METTL16: variants seen among roughly 807,000 people sequenced by gnomAD.
The protein encoded by METTL16 is methyltransferase 16, RNA N6-adenosine, also known as RNA N(6)-adenosine-methyltransferase METTL16.
METTL16 carries 19 observed loss-of-function variants against 57.9 expected under a neutral mutation model. The ratio of observed to expected loss-of-function variants is 0.33; its 90% CI spans 0.23 to 0.48. METTL16 has a LOEUF of 0.48. METTL16 is among the 20% of genes least tolerant of loss of function. The probability of loss-of-function intolerance (pLI) is 0.99; values close to 1 mark genes in which losing one functional copy is unlikely to be tolerated. For missense variants in METTL16, 434 were observed against 691.5 expected, an observed-to-expected ratio of 0.63 and a Z score of 4.18; for synonymous variants, 246 against 255.6, an observed-to-expected ratio of 0.96 and a Z score of 0.36.
intron 2 of METTL16, among the ~76,000 whole-genome samples, chr17:2,485,189 A>G (rs2151572414): frequency 6.6e-6 from 1 of 152,294 alleles, no homozygotes; most frequent in South Asian, 2.1e-4. Flanking sequence ...CCTCCTGGGA[A>G]CGCCGCATGC....
rs1374909658 is a variant in METTL16, at chr17:2,420,186, C to T, written c.1473G>A (p.Glu491=). 6.2e-7 allele frequency: 1 copy of T among 1,614,250 alleles called. No homozygotes were observed. Among genetic ancestry groups the T allele is most frequent in the East Asian group, 2.2e-5 (1 of 44,882 alleles). The change falls in exon 10 of 10, where the codon GAG becomes GAA. Residue 491 remains glutamate, a synonymous_variant. Transcript: ENST00000263092. This position sits in a 1 kb window ranked among gnomAD's most constrained non-coding sequence, Gnocchi z 5.4. ...CTGGGCTGCCGAACTGCTCAGAAGCCTCTTGGTCCTGGGCTCCGTTGCTAG... is the reference window on the plus strand; with the variant it reads ...CTGGGCTGCCGAACTGCTCAGAAGCTTCTTGGTCCTGGGCTCCGTTGCTAG... ...QGSSNGAQDQ[E]ASEQFGSPVA...
At chr17:2,447,411 C>G (rs2067009258) in intron 6 of METTL16, among the ~76,000 whole-genome samples, 1 of 139,632 alleles carries the variant, frequency 7.2e-6, no homozygotes, top group African/African-American at 3.1e-5. Flanking sequence ...AAGTGAGGAG[C>G]GTCTCCGCCC....
intron 2 of METTL16, among the ~76,000 whole-genome samples, chr17:2,492,197 C>G (rs1175920694): frequency 1.3e-5 from 2 of 152,104 alleles, no homozygotes; most frequent in African/African-American, 2.4e-5. Flanking sequence ...GGCGACAGAG[C>G]AAGACTCCGT....
rs371653945 is a variant in METTL16, at chr17:2,428,120, A to G, written c.889-7216T>C. ...TTGCAACATATTTCATCTTAAAAAT[A>G]GTAATTCCTAGCTCTGCTGAAAAAG... On this transcript the variant is annotated intron_variant, in intron 8 of 9. Transcript: ENST00000263092. 2.4e-4 allele frequency among the ~76,000 whole-genome samples: 36 copies of G among 152,184 alleles called. 1 individual carries two copies. The East Asian group carries it at 5.2e-3, about 22-fold the overall frequency.
chr17:2,441,855 T>C (rs1410024039), intron 6 of METTL16, among the ~76,000 whole-genome samples: 3 of 152,208 alleles, frequency 2.0e-5, no homozygotes, highest in Non-Finnish European at 4.4e-5. Flanking sequence ...TCATCTGTCA[T>C]GCTTACAACG....
intron 6 of METTL16, among the ~76,000 whole-genome samples, chr17:2,452,230 C>T (rs2067076621): frequency 6.7e-6 from 1 of 149,546 alleles, no homozygotes; most frequent in African/African-American, 2.5e-5. Context: ...AATAGTTAAA[C>T]ATGCCATTGA....
At chr17:2,489,240 A>C (rs760280768) in intron 2 of METTL16, among the ~76,000 whole-genome samples, 22 of 152,084 alleles carry the variant, frequency 1.4e-4, no homozygotes, top group Non-Finnish European at 2.6e-4. Context: ...AAGCAGCTTG[A>C]AGCCAGGCCT....
intron 1 of METTL16, among the ~76,000 whole-genome samples, chr17:2,502,583 G>A (rs184841245): frequency 6.6e-6 from 1 of 152,130 alleles, no homozygotes; most frequent in African/African-American, 2.4e-5. Context: ...AGCTACTTGG[G>A]AGGCTGAGGC....
chr17:2,490,136 A>T (rs1024335322), intron 2 of METTL16, among the ~76,000 whole-genome samples: 8 of 152,352 alleles, frequency 5.3e-5, no homozygotes, highest in Non-Finnish European at 8.8e-5. Flanking sequence ...CTGGAAGGTA[A>T]GTAGGGACTC....
chr17:2,507,237 C>T (rs1166560105), intron 1 of METTL16, among the ~76,000 whole-genome samples: 11 of 138,416 alleles, frequency 7.9e-5, no homozygotes, highest in East Asian at 2.3e-4. Context: ...CCGCCCCGAC[C>T]GGGAGGTGAG....
chr17:2,474,868 C>T (rs570577981), intron 3 of METTL16, among the ~76,000 whole-genome samples: 2 of 152,118 alleles, frequency 1.3e-5, no homozygotes, highest in Admixed American at 6.5e-5. Context: ...TGCAGTGAGC[C>T]GAGATCGTGC....
At chr17:2,421,792 C>T (rs776317024) in intron 8 of METTL16, among the ~76,000 whole-genome samples, 3 of 152,232 alleles carry the variant, frequency 2.0e-5, no homozygotes, top group Non-Finnish European at 1.5e-5. Flanking sequence ...ACTAAGATCA[C>T]GTGGGCAGAG....
intron 1 of METTL16, among the ~76,000 whole-genome samples, chr17:2,505,801 A>C (rs1287938429): frequency 6.6e-6 from 1 of 151,968 alleles, no homozygotes; most frequent in Non-Finnish European, 1.5e-5. Context: ...TCCTTCTCCT[A>C]TGTCCACCTG....
chr17:2,481,433 G>A (rs940999972), intron 2 of METTL16, among the ~76,000 whole-genome samples: 2 of 151,992 alleles, frequency 1.3e-5, no homozygotes, highest in South Asian at 4.2e-4. Flanking sequence ...ATGCTTCAAC[G>A]ATACAGAGAA....
intron 2 of METTL16, among the ~76,000 whole-genome samples, chr17:2,482,013 A>G (rs2067310718): frequency 6.6e-6 from 1 of 152,210 alleles, no homozygotes; most frequent in Non-Finnish European, 1.5e-5. Context: ...AAGCCCTTAG[A>G]GGAAAAAAAG....
At chr17:2,482,132 G>C (rs1326735136) in intron 2 of METTL16, among the ~76,000 whole-genome samples, 1 of 152,180 alleles carries the variant, frequency 6.6e-6, no homozygotes, top group African/African-American at 2.4e-5. Context: ...AGCTCTTTGT[G>C]AAGAAATTCC....
At chr17:2,487,003 C>CA (rs11397318) in intron 2 of METTL16, among the ~76,000 whole-genome samples, 37,778 of 57,334 alleles carry the variant, frequency 0.66, 12,664 homozygotes, top group East Asian at 0.74. Flanking sequence ...GATCCTGTCT[C>CA]AAAAAAAAAA....
intron 2 of METTL16, among the ~76,000 whole-genome samples, chr17:2,478,700 A>G (rs573876742): frequency 1.3e-5 from 2 of 152,248 alleles, no homozygotes; most frequent in South Asian, 4.1e-4. Context: ...GTCTTCATAG[A>G]TTTGCCTTTT....
At chr17:2,487,767 G>A (rs1408651409) in intron 2 of METTL16, among the ~76,000 whole-genome samples, 1 of 152,138 alleles carries the variant, frequency 6.6e-6, no homozygotes, top group Non-Finnish European at 1.5e-5. Flanking sequence ...ACTGTGGGAG[G>A]CTGAGGCGGG....
Sources: allele counts gnomAD v4.1 joint callset (sites outside exome capture counted in the v4.1 genomes callset), GRCh38; gene constraint gnomAD v4.1.1; non-coding constraint Gnocchi (gnomAD v3.1); transcripts MANE v1.5; gene names NCBI Gene and HGNC (gene_info 2026-07-23, HGNC 2026-07-21).